The following MAP3K20 variants were observed in gnomAD, a reference collection of about 807,000 sequenced individuals.
MAP3K20 encodes the protein HCCS-4.
MAP3K20 carries 40 observed loss-of-function variants against 85.7 expected under a neutral mutation model. The ratio of observed to expected loss-of-function variants is 0.47; its 90% confidence interval spans 0.36 to 0.61. MAP3K20 has a LOEUF of 0.61. Ranked by LOEUF, MAP3K20 falls within the 20% of genes least tolerant of loss-of-function variation. The probability of loss-of-function intolerance (pLI) is 0.00; values close to 1 mark genes in which losing one functional copy is unlikely to be tolerated. For synonymous variants in MAP3K20, 325 were observed against 327.7 expected (o/e 0.99, Z 0.09); for missense variants, 817 against 961.7 (o/e 0.85, Z 1.99).
At chr2:173,250,688 C>A (rs1471641061) in intron 16 of MAP3K20, among the ~76,000 whole-genome samples, 1 of 152,138 alleles carries the variant, frequency 6.6e-6, no homozygotes, top group Non-Finnish European at 1.5e-5. Context: ...TAGTCCTGTA[C>A]ATCATTATGA....
chr2:173,109,922 A>G (rs780509133), intron 2 of MAP3K20, among the ~76,000 whole-genome samples: 2 of 151,912 alleles, frequency 1.3e-5, no homozygotes, highest in African/African-American at 2.4e-5. Flanking sequence ...AATGAAAACC[A>G]TCTTTCAGTT....
chr2:173,118,735 A>T (rs1688194577), intron 2 of MAP3K20, among the ~76,000 whole-genome samples: 1 of 152,232 alleles, frequency 6.6e-6, no homozygotes, highest in Non-Finnish European at 1.5e-5. Context: ...AATAATCATG[A>T]TAGGTAACCA....
chr2:173,134,930 C>A (rs1171282475), intron 2 of MAP3K20, among the ~76,000 whole-genome samples: 1 of 152,126 alleles, frequency 6.6e-6, no homozygotes, highest in Non-Finnish European at 1.5e-5. Flanking sequence ...AGCTCAGCCA[C>A]GTGACTAGCT....
Position 173,220,067 on chromosome 2 carries a change from C to CAAAAA in MAP3K20, c.987+2824_987+2828dup, listed in dbSNP as rs71018543. The stretch of plus-strand genomic sequence containing the variant: ...TGGGCAACAGTGCTAGACTCTGTCT[C>CAAAAA]AAAAAAAAAAAGGAAACTGATCCTG... On this transcript the variant is annotated intron_variant, in intron 11 of 19. Coordinates refer to ENST00000375213, the MANE Select transcript of MAP3K20 (RefSeq NM_016653.3). Among the ~76,000 whole-genome samples the CAAAAA allele has an allele frequency of 5.3e-5, 6 of 114,222 alleles. No individual in the cohort carries two copies. In the South Asian group the frequency reaches 8.7e-4, roughly 17 times the overall value. 74.9% of individuals were successfully genotyped at this position (114,222 alleles called of 152,430 possible). A position where few individuals can be genotyped will look rare whatever the true frequency, so the allele number is the denominator to read the frequency against.
At chr2:173,145,982 T>A (rs1689124857) in intron 2 of MAP3K20, among the ~76,000 whole-genome samples, 1 of 152,124 alleles carries the variant, frequency 6.6e-6, no homozygotes, top group Non-Finnish European at 1.5e-5. Context: ...GACTACATCA[T>A]GATTCCACTC....
intron 2 of MAP3K20, among the ~76,000 whole-genome samples, chr2:173,144,332 G>C (rs1689064259): frequency 6.6e-6 from 1 of 151,528 alleles, no homozygotes; most frequent in Non-Finnish European, 1.5e-5. Flanking sequence ...GCGTGGTGGT[G>C]GGCACCTGTA....
intron 3 of MAP3K20, among the ~76,000 whole-genome samples, chr2:173,172,770 A>G (rs1690036291): frequency 6.6e-6 from 1 of 152,076 alleles, no homozygotes. Flanking sequence ...GCCGAAAGAA[A>G]AGATACAATA....
chr2:173,143,255 TAATGATGATTTAAA>T (rs1689029421), intron 2 of MAP3K20, among the ~76,000 whole-genome samples: 1 of 152,160 alleles, frequency 6.6e-6, no homozygotes, highest in Non-Finnish European at 1.5e-5. Context: ...AATGATTTAA[TAATGATGATTTAAA>T]AAGTCAGTTT....
chr2:173,151,970 A>G (rs926575087), intron 2 of MAP3K20, among the ~76,000 whole-genome samples: 2 of 152,244 alleles, frequency 1.3e-5, no homozygotes, highest in African/African-American at 2.4e-5. Flanking sequence ...CAAAAGAATT[A>G]TAATAAACTA....
At chr2:173,150,166 T>G (rs1170892000) in intron 2 of MAP3K20, among the ~76,000 whole-genome samples, 1 of 152,234 alleles carries the variant, frequency 6.6e-6, no homozygotes, top group Admixed American at 6.5e-5. Flanking sequence ...AGATTCCATA[T>G]CCTGTAAGTG....
In MAP3K20 at chr2:173,266,041, C is replaced by T. The variant is rs1050247536; in HGVS notation, c.1703-9C>T. 2 of 1,551,694 alleles carry T rather than the reference C, an allele frequency of 1.3e-6. No homozygotes were observed. Among genetic ancestry groups the T allele is most frequent in the East Asian group, 4.8e-5 (2 of 41,502 alleles). ...GCTTAAAAGATGCTCATTTCCATTT[C>T]TCCCGCAGGTGCTGATTGCCAGTGG... On this transcript the variant is annotated splice_polypyrimidine_tract_variant and intron_variant, in intron 19 of 19. Coordinates refer to ENST00000375213, the MANE Select transcript of MAP3K20 (RefSeq NM_016653.3).
chr2:173,095,724 C>T (rs966104076), intron 2 of MAP3K20, among the ~76,000 whole-genome samples: 7 of 152,114 alleles, frequency 4.6e-5, no homozygotes, highest in African/African-American at 1.7e-4. Context: ...TTACAAATTA[C>T]GTTGCAGCTA....
chr2:173,077,191 C>T (rs144769246), intron 1 of MAP3K20, among the ~76,000 whole-genome samples: 1 of 152,006 alleles, frequency 6.6e-6, no homozygotes, highest in African/African-American at 2.4e-5. Flanking sequence ...CTTCTTTAAC[C>T]CCGAAGCTGT....
At chr2:173,084,124 T>A (rs1687081665) in intron 1 of MAP3K20, among the ~76,000 whole-genome samples, 2 of 152,288 alleles carry the variant, frequency 1.3e-5, no homozygotes, top group Admixed American at 1.3e-4. Flanking sequence ...GATCTCCCTA[T>A]GTTGCCCCAG....
intron 3 of MAP3K20, 71 bp downstream of exon 3, chr2:173,169,963 G>C: frequency 7.2e-7 from 1 of 1,381,922 alleles, no homozygotes. Context: ...ATGCTAAAAT[G>C]CTTAATATTA....
chr2:173,169,733 T>C (rs1689946047), intron 2 of MAP3K20, 72 bp from the exon 3 acceptor site: 9 of 1,473,774 alleles, frequency 6.1e-6, no homozygotes, highest in Middle Eastern at 1.8e-4. Flanking sequence ...AAAAAATGAG[T>C]AGGAAGCCTG....
chr2:173,232,154 G>T (rs1215703896), intron 12 of MAP3K20, 38 bp from the exon 13 acceptor site: 1 of 1,613,982 alleles, frequency 6.2e-7, no homozygotes, highest in Non-Finnish European at 8.5e-7. Flanking sequence ...CTGACCATGT[G>T]TGAATCTTCA....
chr2:173,166,910 G>GTTTTTTTTTTTTTT (rs71018540), intron 2 of MAP3K20: 4 of 113,866 alleles, frequency 3.5e-5, no homozygotes, highest in Admixed American at 1.0e-4. Flanking sequence ...CAGTTTTTCT[G>GTTTTTTTTTTTTTT]TTTTTTTTTT....
At chr2:173,181,116 G>A (rs756924137) in intron 3 of MAP3K20, among the ~76,000 whole-genome samples, 1 of 152,120 alleles carries the variant, frequency 6.6e-6, no homozygotes, top group Non-Finnish European at 1.5e-5. Context: ...GGGGCTAATA[G>A]GCACATAAAA....
Sources: allele counts gnomAD v4.1 joint callset (sites outside exome capture counted in the v4.1 genomes callset), GRCh38; gene constraint gnomAD v4.1.1; transcripts MANE v1.5; gene names NCBI Gene and HGNC (gene_info 2026-07-23, HGNC 2026-07-21).